CNTNAP5: variants seen among roughly 807,000 people sequenced by gnomAD.
The protein encoded by CNTNAP5 is contactin-associated protein-like 5.
A neutral mutation model predicts 150.2 loss-of-function variants in CNTNAP5; 72 were observed. The ratio of observed to expected loss-of-function variants is 0.48; its 90% CI spans 0.40 to 0.58. The LOEUF (loss-of-function observed/expected upper bound fraction) is 0.58. Ranked by LOEUF, CNTNAP5 falls within the 20% of genes least tolerant of loss-of-function variation. The probability of loss-of-function intolerance (pLI) is 0.00; values close to 1 mark genes in which losing one functional copy is unlikely to be tolerated. For synonymous variants in CNTNAP5, 672 were observed against 619.8 expected, an observed-to-expected ratio of 1.08 and a Z score of -1.25; for missense variants, 1,636 against 1,626.2, an observed-to-expected ratio of 1.01 and a Z score of -0.10.
At chr2:124,630,454 C>G (rs1321446316) in intron 12 of CNTNAP5, among the ~76,000 whole-genome samples, 1 of 152,106 alleles carries the variant, frequency 6.6e-6, no homozygotes, top group Admixed American at 6.6e-5. Flanking sequence ...ATCACATAAA[C>G]AGAACTAAAG....
intron 3 of CNTNAP5, among the ~76,000 whole-genome samples, chr2:124,288,311 T>G (rs542607488): frequency 6.6e-6 from 1 of 152,288 alleles, no homozygotes; most frequent in African/African-American, 2.4e-5. Flanking sequence ...TATTCACCAT[T>G]AGCTTTCTCT....
At chr2:124,315,212 A>T (rs1688934216) in intron 3 of CNTNAP5, among the ~76,000 whole-genome samples, 1 of 152,140 alleles carries the variant, frequency 6.6e-6, no homozygotes, top group African/African-American at 2.4e-5. Flanking sequence ...CCTCCTGTCA[A>T]GGCCTTCCAA....
chr2:124,254,891 C>G (rs2104784359), intron 3 of CNTNAP5, among the ~76,000 whole-genome samples: 1 of 152,226 alleles, frequency 6.6e-6, no homozygotes, highest in East Asian at 1.9e-4. Flanking sequence ...TGCAACTTGT[C>G]CTACCGCAGA....
chr2:124,510,522 T>C (rs1237638336), intron 8 of CNTNAP5, among the ~76,000 whole-genome samples: 3 of 136,552 alleles, frequency 2.2e-5, no homozygotes, highest in Non-Finnish European at 4.6e-5. Context: ...TATATATACA[T>C]ATATCTCCAT....
At chr2:124,306,863 G>A (rs1688706709) in intron 3 of CNTNAP5, among the ~76,000 whole-genome samples, 1 of 151,528 alleles carries the variant, frequency 6.6e-6, no homozygotes, top group Non-Finnish European at 1.5e-5. Context: ...GAGTAGCTGG[G>A]ATTACAGGTG....
At chr2:124,563,405 T>C in intron 11 of CNTNAP5, 82 bp downstream of exon 11, 7 of 803,978 alleles carry the variant, frequency 8.7e-6, no homozygotes, top group Non-Finnish European at 1.5e-5. Flanking sequence ...GTATTTAGCA[T>C]GGGGCAGGCA....
At chr2:124,190,072 A>T (rs891083159) in intron 1 of CNTNAP5, among the ~76,000 whole-genome samples, 16 of 152,256 alleles carry the variant, frequency 1.1e-4, no homozygotes, top group African/African-American at 3.9e-4. Context: ...AGAAAAGAAG[A>T]TACAAAACCT....
At chr2:124,769,369 C>A (rs1269595389) in intron 16 of CNTNAP5, among the ~76,000 whole-genome samples, 1 of 151,688 alleles carries the variant, frequency 6.6e-6, no homozygotes, top group Non-Finnish European at 1.5e-5. Flanking sequence ...CAGTGCCTAG[C>A]ACAGGGTCTG....
chr2:124,899,215 A>T (rs1678367485), intron 21 of CNTNAP5, among the ~76,000 whole-genome samples: 1 of 151,512 alleles, frequency 6.6e-6, no homozygotes, highest in South Asian at 2.1e-4. Context: ...TGAGCTATAA[A>T]TTTGATTTAT....
Position 124,434,456 on chromosome 2 carries a change from T to C in CNTNAP5, c.530-28T>C, listed in dbSNP as rs757811386. 4 of 1,568,386 alleles carry C rather than the reference T, an allele frequency of 2.6e-6. No homozygotes were observed. The South Asian group carries it at 4.4e-5, about 17-fold the overall frequency. The stretch of plus-strand genomic sequence containing the variant: ...CAGTCATGAGAATATGCACTAATTT[T>C]TCTTTCCCGCTCCTTCTTTGTTCCC... On this transcript the variant is annotated intron_variant, in intron 4 of 23. Coordinates refer to ENST00000682447, the MANE Select transcript of CNTNAP5 (RefSeq NM_001367498.1).
chr2:124,185,796 C>A (rs143891241), intron 1 of CNTNAP5, among the ~76,000 whole-genome samples: 1 of 152,292 alleles, frequency 6.6e-6, no homozygotes, highest in Non-Finnish European at 1.5e-5. Flanking sequence ...CTTCCCCAAC[C>A]ATTGCTCAGC....
intron 11 of CNTNAP5, among the ~76,000 whole-genome samples, chr2:124,570,019 T>C (rs1696115585): frequency 6.6e-6 from 1 of 152,126 alleles, no homozygotes; most frequent in Non-Finnish European, 1.5e-5. Flanking sequence ...ATATAGGCTA[T>C]TATAGAAATG....
At chr2:124,900,497 A>C (rs574137080) in intron 21 of CNTNAP5, among the ~76,000 whole-genome samples, 1 of 151,510 alleles carries the variant, frequency 6.6e-6, no homozygotes, top group South Asian at 2.1e-4. Context: ...TCCTTATAGT[A>C]CATCTGGAAG....
chr2:124,166,894 C>A (rs1684819844), intron 1 of CNTNAP5, among the ~76,000 whole-genome samples: 1 of 152,138 alleles, frequency 6.6e-6, no homozygotes, highest in Non-Finnish European at 1.5e-5. Context: ...TCCAAGCCTT[C>A]CCCCAAGATG....
At chr2:124,323,867 T>A (rs1689155736) in intron 3 of CNTNAP5, among the ~76,000 whole-genome samples, 1 of 152,080 alleles carries the variant, frequency 6.6e-6, no homozygotes, top group Non-Finnish European at 1.5e-5. Context: ...TGTGTGTGTA[T>A]GTGGGTGTGT....
chr2:124,730,321 G>A (rs189223438), intron 13 of CNTNAP5, among the ~76,000 whole-genome samples: 34 of 151,660 alleles, frequency 2.2e-4, no homozygotes, highest in Admixed American at 1.8e-3. Flanking sequence ...ACAGGTGTGC[G>A]CGTGTGTGTG....
chr2:124,892,448 C>T (rs1190445250), intron 21 of CNTNAP5, among the ~76,000 whole-genome samples: 2 of 152,112 alleles, frequency 1.3e-5, no homozygotes, highest in Non-Finnish European at 2.9e-5. Context: ...CTCCATTATA[C>T]TGGCAGCCAC....
chr2:124,207,380 G>A (rs1162862505), intron 1 of CNTNAP5, among the ~76,000 whole-genome samples: 1 of 152,138 alleles, frequency 6.6e-6, no homozygotes, highest in African/African-American at 2.4e-5. Flanking sequence ...ACTTAACCTT[G>A]TTCAGGAAAA....
chr2:124,680,390 C>A (rs1005986021), intron 13 of CNTNAP5, among the ~76,000 whole-genome samples: 1 of 151,886 alleles, frequency 6.6e-6, no homozygotes, highest in African/African-American at 2.4e-5. Flanking sequence ...TCAAGGAAAG[C>A]GAAGAACAAT....
Sources: allele counts gnomAD v4.1 joint callset (sites outside exome capture counted in the v4.1 genomes callset), GRCh38; gene constraint gnomAD v4.1.1; transcripts MANE v1.5; gene names NCBI Gene and HGNC (gene_info 2026-07-23, HGNC 2026-07-21).